Variants in RTTN observed in about 807,000 individuals in gnomAD.
RTTN encodes rotatin.
RTTN carries 182 observed loss-of-function variants against 269.2 expected under a neutral mutation model. That is an observed-to-expected ratio of 0.68 (90% CI 0.60 to 0.76). RTTN has a LOEUF of 0.76. RTTN is among the 30% of genes least tolerant of loss of function. RTTN has a pLI of 0.00. For synonymous variants in RTTN, 1,006 were observed against 963.5 expected (o/e 1.04, Z -0.82); for missense variants, 2,545 against 2,608.6 (o/e 0.98, Z 0.53).
chr18:70,078,679 T>C (rs1050708336), intron 32 of RTTN, among the ~76,000 whole-genome samples: 2 of 152,092 alleles, frequency 1.3e-5, no homozygotes, highest in South Asian at 2.1e-4. Context: ...TAAGAAAGTG[T>C]AATCACAGCC....
At chr18:70,094,806 G>C (rs945479214) in intron 28 of RTTN, among the ~76,000 whole-genome samples, 6 of 151,610 alleles carry the variant, frequency 4.0e-5, no homozygotes, top group African/African-American at 1.5e-4. Flanking sequence ...AGGTCCGCTT[G>C]GTCCAGAGCT....
At chr18:70,195,174 T>C (rs141238584) in intron 7 of RTTN, among the ~76,000 whole-genome samples, 34 of 152,326 alleles carry the variant, frequency 2.2e-4, no homozygotes, top group African/African-American at 8.2e-4. Flanking sequence ...TCCACTCTCA[T>C]GGGCTTTATT....
At chr18:70,056,397 A>G (rs1319822612) in intron 37 of RTTN, among the ~76,000 whole-genome samples, 1 of 152,216 alleles carries the variant, frequency 6.6e-6, no homozygotes, top group Non-Finnish European at 1.5e-5. Context: ...CCTTTATAAA[A>G]TGACATTAAT....
At chr18:70,157,888 A>C (rs1421848356) in intron 14 of RTTN, among the ~76,000 whole-genome samples, 1 of 147,680 alleles carries the variant, frequency 6.8e-6, no homozygotes, top group Non-Finnish European at 1.5e-5. Context: ...GAATCATCAC[A>C]GGCAAACAGA....
intron 32 of RTTN, among the ~76,000 whole-genome samples, chr18:70,078,038 C>CA (rs1445016754): frequency 4.0e-5 from 6 of 150,460 alleles, no homozygotes; most frequent in Non-Finnish European, 5.9e-5. Flanking sequence ...TTGTCAGAGC[C>CA]AAAAAAATAT....
Position 70,028,808 on chromosome 18 carries a change from A to C in RTTN, c.5746-7T>G. The C allele has an allele frequency of 1.9e-6, 3 of 1,603,360 alleles. No individual in the cohort carries two copies. Among genetic ancestry groups the C allele is most frequent in the Non-Finnish European group, 2.6e-6 (3 of 1,171,612 alleles). ...CTTTAATAACACCATCCTCCTATTT[A>C]AACAAAAAGCAGTTGAAAACTGTGA... is the stretch of plus-strand genomic sequence containing the variant. On this transcript the variant is annotated splice_polypyrimidine_tract_variant and splice_region_variant and intron_variant, in intron 42 of 48. Coordinates refer to ENST00000640769, the MANE Select transcript of RTTN (RefSeq NM_173630.4).
chr18:70,131,129 A>C (rs957288771), intron 23 of RTTN: 1 of 110,870 alleles, frequency 9.0e-6, no homozygotes, highest in African/African-American at 3.2e-5. Context: ...TTTTTAAAAC[A>C]GAAAGAATTT....
chr18:70,088,776 A>G (rs1309539122), intron 30 of RTTN, among the ~76,000 whole-genome samples: 3 of 152,202 alleles, frequency 2.0e-5, no homozygotes, highest in Non-Finnish European at 4.4e-5. Flanking sequence ...CAGTCATAAA[A>G]TTGTCAAGTA....
At chr18:70,058,172 C>T (rs1267749157) in intron 36 of RTTN, among the ~76,000 whole-genome samples, 1 of 152,162 alleles carries the variant, frequency 6.6e-6, no homozygotes, top group Non-Finnish European at 1.5e-5. Flanking sequence ...AGCAAAAATA[C>T]TGGCTAAAAT....
intron 26 of RTTN, among the ~76,000 whole-genome samples, chr18:70,119,126 A>G (rs1170559735): frequency 6.6e-6 from 1 of 152,136 alleles, no homozygotes; most frequent in African/African-American, 2.4e-5. Context: ...CACATTAGAA[A>G]AAAGGCAAGT....
At chr18:70,028,074 TGCATTAAA>T in intron 43 of RTTN, among the ~76,000 whole-genome samples, 1 of 152,364 alleles carries the variant, frequency 6.6e-6, no homozygotes, top group East Asian at 1.9e-4. Context: ...CTAGTATTTC[TGCATTAAA>T]GCATCAATCT....
chr18:70,020,429 G>T (rs983046451), intron 45 of RTTN, among the ~76,000 whole-genome samples, 186 bp downstream of exon 45: 6 of 152,214 alleles, frequency 3.9e-5, no homozygotes, highest in African/African-American at 1.4e-4. Context: ...TCTAGCTCCT[G>T]TCCTTCTGCA....
chr18:70,128,214 G>C (rs116794642), intron 24 of RTTN, 144 bp downstream of exon 24: 1 of 629,316 alleles, frequency 1.6e-6, no homozygotes, highest in Non-Finnish European at 2.7e-6. Context: ...ATATTTAAAA[G>C]AAAGTAAAAA....
intron 21 of RTTN, among the ~76,000 whole-genome samples, chr18:70,139,233 C>T (rs112900056): frequency 4.6e-5 from 7 of 152,104 alleles, no homozygotes; most frequent in African/African-American, 1.7e-4. Flanking sequence ...TACCAAGATC[C>T]AAAGGTATAA....
At chr18:70,120,654 A>C (rs2059712824) in intron 26 of RTTN, among the ~76,000 whole-genome samples, 1 of 152,158 alleles carries the variant, frequency 6.6e-6, no homozygotes, top group South Asian at 2.1e-4. Context: ...TAAATACATA[A>C]AGAGACAGAT....
chr18:70,049,596 AAAAATCGG>A (rs2057597371), intron 39 of RTTN, among the ~76,000 whole-genome samples: 1 of 152,152 alleles, frequency 6.6e-6, no homozygotes, highest in African/African-American at 2.4e-5. Context: ...AAATGTTAAA[AAAAATCGG>A]TCAGTTGAAT....
intron 14 of RTTN, 62 bp from the exon 15 acceptor site, chr18:70,150,795 T>C (rs2060517905): frequency 3.0e-6 from 4 of 1,344,888 alleles, no homozygotes; most frequent in Non-Finnish European, 3.1e-6. Context: ...AAAAGATCCA[T>C]CTTTCTTCTG....
chr18:70,024,427 A>G (rs2056793728), intron 44 of RTTN, among the ~76,000 whole-genome samples: 2 of 152,188 alleles, frequency 1.3e-5, no homozygotes, highest in Non-Finnish European at 2.9e-5. Flanking sequence ...GTCTTACATC[A>G]TAATTTTTAT....
rs532061566 is a variant in RTTN, at chr18:70,009,205, G to A, written c.6422-2721C>T. ...GTTTGGAGTGCAGTGGTGAGATCTCGGCTCACTGCAACCTCCGCCTACCAG... is the reference window on the plus strand; with the variant it reads ...GTTTGGAGTGCAGTGGTGAGATCTCAGCTCACTGCAACCTCCGCCTACCAG... On this transcript the variant is annotated intron_variant, in intron 46 of 48. Transcript: ENST00000640769. 9.9e-5 allele frequency among the ~76,000 whole-genome samples: 15 copies of A among 151,670 alleles called. No homozygotes were observed. The East Asian group carries it at 1.4e-3, about 14-fold the overall frequency.
Sources: gnomAD v4.1 joint callset for allele counts (sites outside exome capture counted in the v4.1 genomes callset) on GRCh38, gnomAD v4.1.1 for gene constraint, MANE v1.5 for transcripts, NCBI Gene and HGNC (gene_info 2026-07-23, HGNC 2026-07-21) for gene names.